The following DST variants were observed in gnomAD, a reference collection of about 807,000 sequenced individuals.
DST encodes bullous pemphigoid antigen.
In DST, 253 loss-of-function variants were observed where a neutral mutation model predicts 875.2. That is an observed-to-expected ratio of 0.29 (90% confidence interval 0.26 to 0.32). The LOEUF (loss-of-function observed/expected upper bound fraction) is 0.32, where lower values mean the gene tolerates loss of function less well. Ranked by LOEUF, DST falls within the 10% of genes least tolerant of loss-of-function variation. The pLI, the probability that DST is intolerant of heterozygous loss-of-function variation, is 1.00. For missense variants in DST, 8,287 were observed against 9,111.6 expected (o/e 0.91, Z 3.68); for synonymous variants, 3,124 against 3,197.1 (o/e 0.98, Z 0.77).
chr6:56,781,279 G>A (rs2099693239), intron 4 of DST, among the ~76,000 whole-genome samples: 1 of 152,172 alleles, frequency 6.6e-6, no homozygotes, highest in African/African-American at 2.4e-5. Context: ...GTAGCTTGAT[G>A]GGGATGGCAT....
intron 10 of DST, among the ~76,000 whole-genome samples, chr6:56,667,751 G>A (rs2099079034): frequency 6.6e-6 from 1 of 151,668 alleles, no homozygotes; most frequent in Non-Finnish European, 1.5e-5. Context: ...GCTTTTGTAG[G>A]AAATTTTAGG....
chr6:56,539,553 G>A (rs1042754682), intron 61 of DST, among the ~76,000 whole-genome samples: 3 of 152,068 alleles, frequency 2.0e-5, no homozygotes, highest in African/African-American at 7.2e-5. Flanking sequence ...AGCATGAAGA[G>A]AAGTTTAAAA....
chr6:56,627,358 A>G (rs1470864692), intron 33 of DST, 71 bp from the exon 34 acceptor site: 2 of 1,024,350 alleles, frequency 2.0e-6, no homozygotes, highest in Non-Finnish European at 3.1e-6. Context: ...GATGCTCAGT[A>G]ACTAAGACAT....
At chr6:56,617,903 A>T (rs1255600416) in intron 36 of DST, 6 of 1,237,198 alleles carry the variant, frequency 4.8e-6, no homozygotes, top group Non-Finnish European at 7.1e-6. Context: ...AATTGTTTTA[A>T]AAATTTAGTC....
chr6:56,497,369 C>CTT lies in DST; in HGVS notation c.20223+8_20223+9dup, dbSNP rs757863175. Reference sequence around the variant, plus strand: ...TCTGAGGCTAAAGCTGTAGGAAATACTTTGCTTACCATATGGACATTAAGC... The same window carrying CTT: ...TCTGAGGCTAAAGCTGTAGGAAATACTTTTTGCTTACCATATGGACATTAAGC... On this transcript the variant is annotated intron_variant, in intron 82 of 103. Transcript: ENST00000680361. 6.2e-6 allele frequency: 10 copies of CTT among 1,611,104 alleles called. No homozygotes were observed. Among genetic ancestry groups the CTT allele is most frequent in the Non-Finnish European group, 8.5e-6 (10 of 1,177,896 alleles).
At chr6:56,926,297 A>G (rs1807049088) in intron 2 of DST, among the ~76,000 whole-genome samples, 1 of 152,252 alleles carries the variant, frequency 6.6e-6, no homozygotes. Flanking sequence ...GAAACCTACT[A>G]TATATACAGC....
At chr6:56,882,819 G>A (rs960384836) in intron 3 of DST, among the ~76,000 whole-genome samples, 6 of 152,148 alleles carry the variant, frequency 3.9e-5, no homozygotes, top group South Asian at 2.1e-4. Context: ...ACCAGCTATC[G>A]TTTAAATTTC....
chr6:56,688,842 T>C (rs947856360), intron 9 of DST, among the ~76,000 whole-genome samples: 1 of 152,080 alleles, frequency 6.6e-6, no homozygotes, highest in Non-Finnish European at 1.5e-5. Flanking sequence ...TTGGGTTCAA[T>C]ACATAATAAA....
At chr6:56,867,639 G>A (rs935254716) in intron 3 of DST, among the ~76,000 whole-genome samples, 2 of 152,176 alleles carry the variant, frequency 1.3e-5, no homozygotes, top group African/African-American at 2.4e-5. Context: ...GGCCAACATG[G>A]TGAAACCCCG....
intron 2 of DST, among the ~76,000 whole-genome samples, chr6:56,921,432 A>C (rs1337759116): frequency 2.6e-5 from 4 of 152,230 alleles, no homozygotes; most frequent in African/African-American, 9.6e-5. Context: ...AACTTTGCAT[A>C]ATCTATGGAT....
chr6:56,711,884 G>T (rs572357891), intron 5 of DST, among the ~76,000 whole-genome samples: 2 of 151,886 alleles, frequency 1.3e-5, no homozygotes, highest in African/African-American at 4.8e-5. Flanking sequence ...GAGGTCAGGA[G>T]ATCGAGACCA....
At position 56,526,429 on chromosome 6, in the gene DST, G is replaced by A. The variant is rs777347824; in HGVS notation, c.18061C>T (p.Arg6021Ter). The change falls in exon 69 of 104, where the codon CGA (arginine) becomes TGA (stop). Residue 6021 changes from arginine to a stop codon, truncating the protein, a stop_gained. Coordinates refer to ENST00000680361, the MANE Select transcript of DST (RefSeq NM_001374736.1). LOFTEE classifies it high-confidence loss of function. ...KMVAEDNERY[R>*]LVSDTITQKV... The stretch of plus-strand genomic sequence containing the variant: ...TGAGTGATGGTGTCGCTCACTAATC[G>A]GTAGCGCTCATTGTCCTCAGCTACC... 6.2e-7 allele frequency: 1 copy of A among 1,613,778 alleles called. No individual in the cohort carries two copies.
intron 5 of DST, among the ~76,000 whole-genome samples, chr6:56,731,833 T>A (rs772529993): frequency 2.0e-5 from 3 of 152,224 alleles, no homozygotes; most frequent in Non-Finnish European, 4.4e-5. Flanking sequence ...TACCTTTTTA[T>A]ACATAAGTTG....
intron 2 of DST, among the ~76,000 whole-genome samples, chr6:56,951,622 C>T (rs541122481): frequency 6.6e-6 from 1 of 152,258 alleles, no homozygotes; most frequent in Admixed American, 6.5e-5. Flanking sequence ...AGTGATGAAA[C>T]ATGACATTCT....
chr6:56,703,182 A>G (rs1045147825), intron 7 of DST, among the ~76,000 whole-genome samples: 47 of 152,202 alleles, frequency 3.1e-4, no homozygotes, highest in Admixed American at 1.3e-4. Flanking sequence ...TCAAATACCT[A>G]TTGCCAAGAG....
At chr6:56,532,998 A>G (rs2096923362) in intron 63 of DST, among the ~76,000 whole-genome samples, 1 of 152,220 alleles carries the variant, frequency 6.6e-6, no homozygotes, top group Admixed American at 6.5e-5. Flanking sequence ...GCCCAAGTTC[A>G]CAAGTTAACA....
At chr6:56,636,253 TATAC>T (rs1287845177) in intron 23 of DST, among the ~76,000 whole-genome samples, 20 of 149,064 alleles carry the variant, frequency 1.3e-4, no homozygotes, top group African/African-American at 4.6e-4. Flanking sequence ...TATATATATA[TATAC>T]ACACACACAC....
rs377182814 is a variant in DST, at chr6:56,568,463, T to A, written c.14005+6A>T. On this transcript the variant is annotated splice_donor_region_variant and intron_variant, in intron 55 of 103. Transcript: ENST00000680361. Reference sequence around the variant, plus strand: ...TTTTTGCCATAAATGTAAATAAAGCTCATACCTGATTTAACTGCTGCTATT... The same window carrying A: ...TTTTTGCCATAAATGTAAATAAAGCACATACCTGATTTAACTGCTGCTATT... 6.1e-5 allele frequency: 97 copies of A among 1,594,598 alleles called. No individual in the cohort carries two copies. The African/African-American group carries it at 1.2e-3, about 20-fold the overall frequency.
At chr6:56,647,037 G>T (rs1322878665) in intron 13 of DST, among the ~76,000 whole-genome samples, 1 of 152,028 alleles carries the variant, frequency 6.6e-6, no homozygotes, top group Non-Finnish European at 1.5e-5. Flanking sequence ...TCTTGTTCTA[G>T]TCATCAGCAA....
Sources: gnomAD v4.1 joint callset for allele counts (sites outside exome capture counted in the v4.1 genomes callset) on GRCh38, gnomAD v4.1.1 for gene constraint, MANE v1.5 for transcripts, NCBI Gene and HGNC (gene_info 2026-07-23, HGNC 2026-07-21) for gene names.